RPS6KC1: variants seen among roughly 807,000 people sequenced by gnomAD.
The protein encoded by RPS6KC1 is inactive ribosomal protein S6 kinase delta-1.
Under a neutral mutation model 103.8 loss-of-function variants are expected in RPS6KC1, and 54 were observed. The observed-to-expected ratio is 0.52, with a 90% CI of 0.42 to 0.65. RPS6KC1 has a LOEUF of 0.65. RPS6KC1 is among the 30% of genes least tolerant of loss of function. The pLI is 0.00. For missense variants in RPS6KC1, 1,151 were observed against 1,253.8 expected (o/e 0.92, Z 1.24); for synonymous variants, 439 against 438.7 (o/e 1.00, Z -0.01).
intron 10 of RPS6KC1, among the ~76,000 whole-genome samples, chr1:213,236,598 T>A (rs1212556887): frequency 6.6e-6 from 1 of 152,164 alleles, no homozygotes; most frequent in East Asian, 1.9e-4. Context: ...GGAAACAAAA[T>A]GTATTCAGTC....
chr1:213,072,419 G>A (rs2078970797), intron 2 of RPS6KC1, among the ~76,000 whole-genome samples: 1 of 151,896 alleles, frequency 6.6e-6, no homozygotes, highest in African/African-American at 2.4e-5. Context: ...ATGGTGGCAG[G>A]CACCTGTAAT....
At chr1:213,169,994 C>T (rs1396745611) in intron 7 of RPS6KC1, among the ~76,000 whole-genome samples, 1 of 152,074 alleles carries the variant, frequency 6.6e-6, no homozygotes, top group African/African-American at 2.4e-5. Context: ...GTTGGCTAGG[C>T]TGGTCTTGAA....
At chr1:213,573,162 C>T in the RPS6KC1 span, among the ~76,000 whole-genome samples, 1 of 152,292 alleles carries the variant, frequency 6.6e-6, no homozygotes, top group East Asian at 1.9e-4. Flanking sequence ...TTCTATTACA[C>T]ATGCTAGGGT....
rs1161645434 is a variant in RPS6KC1 at position 213,273,386 on chromosome 1, A to T, written c.*752A>T. ...CGACTCCTGCTAACACACATGCAAC[A>T]AAAAAGGGAAGGGAGTGCTTATTTC... is the stretch of plus-strand genomic sequence containing the variant. On this transcript the variant is annotated 3_prime_UTR_variant, in exon 15 of 15. Coordinates refer to ENST00000366960, the MANE Select transcript of RPS6KC1 (RefSeq NM_012424.6). The T allele has an allele frequency of 6.6e-6, 1 of 152,612 alleles. No individual in the cohort carries two copies. The highest frequency in any genetic ancestry group is 1.5e-5 in the Non-Finnish European group (1 of 68,032). The allele number at this position is 152,612 out of a possible 1,614,324, so 9.5% of individuals were successfully genotyped here.
chr1:213,860,259 A>G, the RPS6KC1 span, among the ~76,000 whole-genome samples: 15 of 151,720 alleles, frequency 9.9e-5, no homozygotes, highest in African/African-American at 3.6e-4. Context: ...TTAAATATCA[A>G]TTCTTTACTA....
At chr1:213,673,989 C>T in the RPS6KC1 span, among the ~76,000 whole-genome samples, 1 of 152,042 alleles carries the variant, frequency 6.6e-6, no homozygotes, top group African/African-American at 2.4e-5. Context: ...CCTTTCTCTC[C>T]CTACCCCTTC....
chr1:213,194,981 T>C (rs1212191957), intron 8 of RPS6KC1, among the ~76,000 whole-genome samples: 1 of 152,184 alleles, frequency 6.6e-6, no homozygotes, highest in Non-Finnish European at 1.5e-5. Flanking sequence ...AACAGATCTA[T>C]GGATGCCAGT....
At chr1:213,664,058 C>T in the RPS6KC1 span, among the ~76,000 whole-genome samples, 2 of 152,178 alleles carry the variant, frequency 1.3e-5, no homozygotes, top group Non-Finnish European at 2.9e-5. Flanking sequence ...TGTGCAGATG[C>T]CGCAGGTCAC....
chr1:213,488,495 C>T, the RPS6KC1 span, among the ~76,000 whole-genome samples: 12 of 152,170 alleles, frequency 7.9e-5, no homozygotes, highest in Non-Finnish European at 1.5e-4. Flanking sequence ...GGCTGTCTGT[C>T]ATAGCGTCTG....
At chr1:213,399,652 A>G in the RPS6KC1 span, among the ~76,000 whole-genome samples, 1 of 151,826 alleles carries the variant, frequency 6.6e-6, no homozygotes, top group Non-Finnish European at 1.5e-5. Context: ...GAAGCCGCCC[A>G]CCCTCTCCTC....
the RPS6KC1 span, among the ~76,000 whole-genome samples, chr1:213,757,087 T>G: frequency 6.6e-6 from 1 of 152,200 alleles, no homozygotes; most frequent in Non-Finnish European, 1.5e-5. Context: ...CTCCTCCTTC[T>G]CAAGCCTCTT....
intron 3 of RPS6KC1, among the ~76,000 whole-genome samples, chr1:213,100,504 G>C (rs1394467293): frequency 1.3e-5 from 2 of 152,130 alleles, no homozygotes; most frequent in Non-Finnish European, 2.9e-5. Flanking sequence ...GTGGTGTTGA[G>C]ATCTGGGCTT....
At chr1:213,258,115 GGGA>G (rs1413059310) in intron 12 of RPS6KC1, among the ~76,000 whole-genome samples, 1 of 152,132 alleles carries the variant, frequency 6.6e-6, no homozygotes, top group Non-Finnish European at 1.5e-5. Context: ...CCGAGTAGCT[GGGA>G]CTACAGATGC....
the RPS6KC1 span, among the ~76,000 whole-genome samples, chr1:213,487,117 A>C: frequency 1.3e-5 from 2 of 152,060 alleles, no homozygotes. Context: ...GAATAACTAC[A>C]ATAGGCCAGG....
intron 6 of RPS6KC1, among the ~76,000 whole-genome samples, chr1:213,150,295 G>GTTATTTATTTAT (rs138250765): frequency 3.7e-4 from 55 of 148,080 alleles, no homozygotes; most frequent in African/African-American, 1.3e-3. Context: ...TACATTATAT[G>GTTATTTATTTAT]TTATTTATTT....
chr1:213,304,343 A>G, the RPS6KC1 span, among the ~76,000 whole-genome samples: 4 of 152,148 alleles, frequency 2.6e-5, no homozygotes, highest in Non-Finnish European at 5.9e-5. Context: ...TGCTTTCTCT[A>G]ATTTAAAATA....
At chr1:213,116,321 C>T (rs2083605494) in intron 4 of RPS6KC1, among the ~76,000 whole-genome samples, 1 of 147,938 alleles carries the variant, frequency 6.8e-6, no homozygotes, top group Non-Finnish European at 1.5e-5. Context: ...CCTTCTTTGT[C>T]TCTTTTGGTC....
chr1:213,599,716 C>T, the RPS6KC1 span, among the ~76,000 whole-genome samples: 2 of 152,108 alleles, frequency 1.3e-5, no homozygotes, highest in Non-Finnish European at 2.9e-5. Context: ...CCAATTGTGG[C>T]GTTTCTTGAT....
intron 8 of RPS6KC1, among the ~76,000 whole-genome samples, chr1:213,184,447 G>A (rs1157596419): frequency 2.0e-5 from 3 of 150,916 alleles, no homozygotes; most frequent in Non-Finnish European, 4.4e-5. Context: ...ATCTTTTCAA[G>A]AAAACCAACT....
Sources: gnomAD v4.1 joint callset for allele counts (sites outside exome capture counted in the v4.1 genomes callset) on GRCh38, gnomAD v4.1.1 for gene constraint, MANE v1.5 for transcripts, NCBI Gene and HGNC (gene_info 2026-07-23, HGNC 2026-07-21) for gene names.